Variants in MGAT4C observed in about 807,000 individuals in gnomAD.
The protein encoded by MGAT4C is alpha-1,3-mannosyl-glycoprotein 4-beta-N-acetylglucosaminyltransferase C.
MGAT4C carries 19 observed loss-of-function variants against 40.1 expected under a neutral mutation model. The ratio of observed to expected loss-of-function variants is 0.47; its 90% CI spans 0.33 to 0.70. The LOEUF (loss-of-function observed/expected upper bound fraction) is 0.70. Ranked by LOEUF, MGAT4C falls within the 30% of genes least tolerant of loss-of-function variation. MGAT4C has a pLI of 0.02. For synonymous variants in MGAT4C, 181 were observed against 187.1 expected, an observed-to-expected ratio of 0.97 and a Z score of 0.27; for missense variants, 491 against 563.2, an observed-to-expected ratio of 0.87 and a Z score of 1.30.
chr12:86,180,311 G>A (rs1887971599), intron 1 of MGAT4C, among the ~76,000 whole-genome samples: 2 of 152,246 alleles, frequency 1.3e-5, no homozygotes, highest in South Asian at 4.1e-4. Flanking sequence ...GGCCCTCATG[G>A]AGAACCTCTG....
intron 1 of MGAT4C, among the ~76,000 whole-genome samples, chr12:86,200,975 A>C (rs1206856714): frequency 6.6e-6 from 1 of 152,196 alleles, no homozygotes; most frequent in Admixed American, 6.5e-5. Context: ...AGAGAGGCTT[A>C]ACCAGAAACC....
At position 86,484,985 on chromosome 12, in the gene MGAT4C, C is replaced by T. The variant is rs58807471; in HGVS notation, c.-228-49720G>A. Among the ~76,000 whole-genome samples, 205 of 152,248 alleles carry T rather than the reference C, an allele frequency of 1.3e-3. 4 individuals carry two copies. The highest frequency in any genetic ancestry group is 4.6e-3 in the African/African-American group (193 of 41,560). On this transcript the variant is annotated intron_variant, in intron 2 of 7. Coordinates refer to the MGAT4C transcript ENST00000548651. ...ATCTACTAGATTACAGTTCAAATTA[C>T]AACATCAAAAATATTCTGCCAGTAT...
intron 1 of MGAT4C, among the ~76,000 whole-genome samples, chr12:86,763,389 C>T (rs949504280): frequency 4.6e-5 from 7 of 152,076 alleles, no homozygotes; most frequent in African/African-American, 1.4e-4. Context: ...TTACTGCAAC[C>T]GTACCTAAAC....
intron 2 of MGAT4C, among the ~76,000 whole-genome samples, chr12:86,514,110 A>ACACACACAC (rs774960809): frequency 1.4e-5 from 2 of 144,590 alleles, no homozygotes; most frequent in African/African-American, 5.1e-5. Context: ...ACACACACAC[A>ACACACACAC]ACCCCGGCTT....
At chr12:86,405,858 A>G (rs1956455907) in intron 3 of MGAT4C, among the ~76,000 whole-genome samples, 1 of 148,570 alleles carries the variant, frequency 6.7e-6, no homozygotes, top group Non-Finnish European at 1.5e-5. Context: ...TCAGTGAGGG[A>G]AAGACTGCCC....
intron 2 of MGAT4C, among the ~76,000 whole-genome samples, chr12:86,637,445 G>A (rs1486923733): frequency 1.3e-5 from 2 of 151,994 alleles, no homozygotes; most frequent in South Asian, 2.1e-4. Context: ...TTATTTTAAT[G>A]TTTGAGTTTT....
intron 1 of MGAT4C, among the ~76,000 whole-genome samples, chr12:86,738,024 A>G (rs1020301396): frequency 6.6e-6 from 1 of 151,586 alleles, no homozygotes; most frequent in African/African-American, 2.4e-5. Flanking sequence ...GCTTTAATTG[A>G]TCACTGTTTT....
chr12:86,514,301 G>T (rs1337656497), intron 2 of MGAT4C, among the ~76,000 whole-genome samples: 1 of 152,096 alleles, frequency 6.6e-6, no homozygotes, highest in Non-Finnish European at 1.5e-5. Flanking sequence ...AACAAACCTT[G>T]CCAGAGGGGG....
chr12:86,010,210 A>T lies in MGAT4C; in HGVS notation c.-6-20658T>A, dbSNP rs546711551. Among the ~76,000 whole-genome samples the T allele has an allele frequency of 1.2e-4, 18 of 152,342 alleles. No homozygotes were observed. The South Asian group carries it at 3.7e-3, about 32-fold the overall frequency. ...TAATAGGTGTAAGTCACAGACTATTATTTAAAGCAAAACAGACATCAGAAG... is the reference window on the plus strand; with the variant it reads ...TAATAGGTGTAAGTCACAGACTATTTTTTAAAGCAAAACAGACATCAGAAG... On this transcript the variant is annotated intron_variant, in intron 2 of 4. Coordinates refer to ENST00000611864, the MANE Select transcript of MGAT4C (RefSeq NM_001351288.2).
intron 1 of MGAT4C, among the ~76,000 whole-genome samples, chr12:86,103,184 GTGA>G (rs1266443337): frequency 6.6e-6 from 1 of 152,114 alleles, no homozygotes; most frequent in Non-Finnish European, 1.5e-5. Flanking sequence ...GGGCTAACTG[GTGA>G]TCACAAAAAG....
intron 1 of MGAT4C, among the ~76,000 whole-genome samples, chr12:86,186,717 A>C (rs2135886484): frequency 6.6e-6 from 1 of 152,206 alleles, no homozygotes; most frequent in South Asian, 2.1e-4. Flanking sequence ...CTTTGGGTCA[A>C]CAACTTGACT....
rs199992552 is a variant in MGAT4C, at chr12:86,430,807, GT to G, written c.-120+4349del. On this transcript the variant is annotated intron_variant, in intron 3 of 7. Coordinates refer to the MGAT4C transcript ENST00000548651. ...CCTGTCAATATGGAGCCATGAAGTG[GT>G]TTTTTTGGCTATGTTGAGAGGATTT... Among the ~76,000 whole-genome samples, 993 of 152,264 alleles carry G rather than the reference GT, an allele frequency of 6.5e-3. 11 individuals are homozygous for G. The highest frequency in any genetic ancestry group is 0.023 in the African/African-American group (949 of 41,542).
At chr12:86,408,479 C>CTATATATATATATA (rs71076198) in intron 3 of MGAT4C, among the ~76,000 whole-genome samples, 9 of 63,340 alleles carry the variant, frequency 1.4e-4, no homozygotes, top group African/African-American at 7.0e-4. Flanking sequence ...CTCTCTCTCT[C>CTATATATATATATA]TATATATATA....
chr12:86,774,939 A>G (rs1951726443), intron 1 of MGAT4C, among the ~76,000 whole-genome samples: 1 of 152,218 alleles, frequency 6.6e-6, no homozygotes. Flanking sequence ...GAAAAGAATC[A>G]ATGTAATAGA....
At chr12:86,241,080 T>C (rs945835194) in intron 1 of MGAT4C, among the ~76,000 whole-genome samples, 3 of 152,170 alleles carry the variant, frequency 2.0e-5, no homozygotes, top group African/African-American at 7.2e-5. Flanking sequence ...AAAAAAATAA[T>C]ACACAGGTGA....
At chr12:86,453,992 G>C (rs1371900853) in intron 2 of MGAT4C, among the ~76,000 whole-genome samples, 1 of 151,906 alleles carries the variant, frequency 6.6e-6, no homozygotes, top group Non-Finnish European at 1.5e-5. Context: ...AAAAGAAGCT[G>C]GCATGGCCAA....
At chr12:86,550,384 A>G (rs1959291086) in intron 2 of MGAT4C, among the ~76,000 whole-genome samples, 1 of 152,166 alleles carries the variant, frequency 6.6e-6, no homozygotes, top group Non-Finnish European at 1.5e-5. Context: ...GAAAGCCCTG[A>G]GGCCACTTTG....
chr12:86,631,407 T>A (rs1963038545), intron 2 of MGAT4C, among the ~76,000 whole-genome samples: 1 of 152,058 alleles, frequency 6.6e-6, no homozygotes, highest in African/African-American at 2.4e-5. Flanking sequence ...AAAACTACTT[T>A]GAAGTTCATA....
At chr12:86,248,524 G>A (rs1952137572) in intron 1 of MGAT4C, among the ~76,000 whole-genome samples, 1 of 151,908 alleles carries the variant, frequency 6.6e-6, no homozygotes, top group South Asian at 2.1e-4. Flanking sequence ...TCACTTGCAC[G>A]CTCTTATGCA....
Sources: gnomAD v4.1 joint callset for allele counts (sites outside exome capture counted in the v4.1 genomes callset) on GRCh38, gnomAD v4.1.1 for gene constraint, MANE v1.5 for transcripts, NCBI Gene and HGNC (gene_info 2026-07-23, HGNC 2026-07-21) for gene names.